The following NFIA variants were observed in gnomAD, a reference collection of about 807,000 sequenced individuals.
NFIA encodes the protein nuclear factor 1 A-type.
Under a neutral mutation model 62.8 loss-of-function variants are expected in NFIA, and 8 were observed. The ratio of observed to expected loss-of-function variants is 0.13; its 90% CI spans 0.07 to 0.23. NFIA has a LOEUF of 0.23. Among genes scored for constraint, NFIA ranks in the 10% least tolerant of loss-of-function variants. NFIA has a pLI of 1.00. For missense variants in NFIA, 410 were observed against 642.1 expected (o/e 0.64, Z 3.91); for synonymous variants, 235 against 238.1 (o/e 0.99, Z 0.12).
At chr1:61,148,465 G>A (rs1479588768) in intron 2 of NFIA, among the ~76,000 whole-genome samples, 1 of 152,142 alleles carries the variant, frequency 6.6e-6, no homozygotes, top group Non-Finnish European at 1.5e-5. Context: ...GTTTTAGGAG[G>A]CATCATAGTG....
chr1:61,385,246 A>AC (rs398102773), intron 7 of NFIA, among the ~76,000 whole-genome samples: 1 of 151,626 alleles, frequency 6.6e-6, no homozygotes, highest in Non-Finnish European at 1.5e-5. Flanking sequence ...CAAAAAAAAA[A>AC]GAGACTTCAA....
chr1:61,371,139 G>T (rs1663863083), intron 6 of NFIA, among the ~76,000 whole-genome samples: 1 of 152,140 alleles, frequency 6.6e-6, no homozygotes, highest in Non-Finnish European at 1.5e-5. Context: ...CAAAATGGCT[G>T]TGCAACACCC....
intron 9 of NFIA, among the ~76,000 whole-genome samples, chr1:61,425,946 A>T (rs928826254): frequency 1.3e-5 from 2 of 152,210 alleles, no homozygotes; most frequent in African/African-American, 4.8e-5. Flanking sequence ...ATGGTTTTCT[A>T]TCTCCTTCCT....
intron 2 of NFIA, among the ~76,000 whole-genome samples, chr1:61,100,138 C>T (rs779918922): frequency 6.6e-6 from 1 of 152,170 alleles, no homozygotes; most frequent in Non-Finnish European, 1.5e-5. Context: ...TTTTTCTTTT[C>T]TGGTGTTAGT....
intron 2 of NFIA, among the ~76,000 whole-genome samples, chr1:61,184,381 T>C (rs2100565787): frequency 6.6e-6 from 1 of 152,356 alleles, no homozygotes; most frequent in African/African-American, 2.4e-5. Context: ...TCTAAAAAAC[T>C]TGCTACCTCC....
intron 3 of NFIA, among the ~76,000 whole-genome samples, chr1:61,320,891 A>T (rs943671410): frequency 6.6e-6 from 1 of 152,174 alleles, no homozygotes; most frequent in Non-Finnish European, 1.5e-5. Context: ...TATTCAGGGA[A>T]TACATTTCCC....
chr1:61,161,841 TA>T (rs775977065), intron 2 of NFIA, among the ~76,000 whole-genome samples: 68 of 152,348 alleles, frequency 4.5e-4, no homozygotes, highest in Middle Eastern at 3.4e-3. Context: ...CTTGTGTTCT[TA>T]ATAATATCTT....
In NFIA at chr1:61,295,967, T is replaced by G. The variant is rs531749903; in HGVS notation, c.625+18382T>G. On this transcript the variant is annotated intron_variant, in intron 3 of 10. Coordinates refer to ENST00000403491, the MANE Select transcript of NFIA (RefSeq NM_001134673.4). ...GGTAACAAAGCTGTTGCATAAGAAA[T>G]GCACACTCCTCTCTTAGGGGGAACA... Among the ~76,000 whole-genome samples the G allele has an allele frequency of 4.6e-5, 7 of 152,302 alleles. No individual in the cohort carries two copies. The South Asian group carries it at 1.4e-3, about 32-fold the overall frequency.
At chr1:61,155,808 G>A (rs1225038591) in intron 2 of NFIA, among the ~76,000 whole-genome samples, 3 of 151,342 alleles carry the variant, frequency 2.0e-5, no homozygotes, top group African/African-American at 7.3e-5. Context: ...TATTATTGGT[G>A]TGCTGGTGAA....
chr1:61,372,275 A>G (rs1399797615), intron 6 of NFIA, among the ~76,000 whole-genome samples: 4 of 152,272 alleles, frequency 2.6e-5, no homozygotes, highest in Non-Finnish European at 5.9e-5. Context: ...CATTTACTTA[A>G]TTGATATGCC....
intron 10 of NFIA, among the ~76,000 whole-genome samples, chr1:61,444,331 A>T (rs1372426751): frequency 6.6e-6 from 1 of 152,212 alleles, no homozygotes; most frequent in Non-Finnish European, 1.5e-5. Flanking sequence ...CCTCTGGAGT[A>T]GACCTGAGGA....
intron 2 of NFIA, among the ~76,000 whole-genome samples, chr1:61,221,237 TTACTA>T (rs1428962831): frequency 6.6e-6 from 1 of 152,136 alleles, no homozygotes; most frequent in African/African-American, 2.4e-5. Flanking sequence ...TTTAATAAGA[TTACTA>T]TTATTATTGA....
intron 5 of NFIA, among the ~76,000 whole-genome samples, chr1:61,356,869 G>T (rs562601614): frequency 1.3e-5 from 2 of 152,208 alleles, no homozygotes; most frequent in African/African-American, 4.8e-5. Flanking sequence ...CCATAAATTG[G>T]CCCTCCACAT....
chr1:61,082,618 G>C lies in NFIA; in HGVS notation c.-174G>C, dbSNP rs1308977398. 6.7e-7 allele frequency: 1 copy of C among 1,502,260 alleles called. No individual in the cohort carries two copies. Among genetic ancestry groups the C allele is most frequent in the Non-Finnish European group, 8.9e-7 (1 of 1,121,076 alleles). The allele number at this position is 1,502,260 out of a possible 1,614,324, so 93.1% of individuals were successfully genotyped here. On this transcript the variant is annotated 5_prime_UTR_variant, in exon 1 of 11. Coordinates refer to ENST00000403491, the MANE Select transcript of NFIA (RefSeq NM_001134673.4). ...GCGCTGGCTGGCTGGCTGCAGTTGA[G>C]CCGACTTGGAAATGTGAACGCAAGA...
intron 2 of NFIA, among the ~76,000 whole-genome samples, chr1:61,216,605 C>T (rs1421915836): frequency 6.6e-6 from 1 of 152,130 alleles, no homozygotes; most frequent in Non-Finnish European, 1.5e-5. Flanking sequence ...GCCTCTGAGA[C>T]ACATGTTTGA....
chr1:61,264,903 G>A lies in NFIA; in HGVS notation c.560-12617G>A, dbSNP rs373650432. 3.9e-4 allele frequency among the ~76,000 whole-genome samples: 60 copies of A among 152,292 alleles called. 1 individual carries two copies. Among genetic ancestry groups the A allele is most frequent in the Admixed American group, 3.6e-3 (55 of 15,298 alleles). ...GATGGAATGAACTTTGGGTGAAGGC[G>A]AGAGCACAGAAGCTCAGTGGTACTG... On this transcript the variant is annotated intron_variant, in intron 2 of 10. Coordinates refer to ENST00000403491, the MANE Select transcript of NFIA (RefSeq NM_001134673.4).
chr1:61,344,056 T>C (rs1662078654), intron 4 of NFIA, among the ~76,000 whole-genome samples: 1 of 152,134 alleles, frequency 6.6e-6, no homozygotes, highest in South Asian at 2.1e-4. Context: ...ACTATACTTA[T>C]TTTTTTTCTT....
intron 2 of NFIA, among the ~76,000 whole-genome samples, chr1:61,216,691 G>A (rs555924056): frequency 6.6e-6 from 1 of 152,170 alleles, no homozygotes; most frequent in Non-Finnish European, 1.5e-5. Context: ...AACTGTCTGT[G>A]TATGTATGCT....
chr1:61,180,731 G>A (rs1650706116), intron 2 of NFIA, among the ~76,000 whole-genome samples: 2 of 152,162 alleles, frequency 1.3e-5, no homozygotes, highest in African/African-American at 4.8e-5. Context: ...CTTCTATCTA[G>A]GTGGATGGTA....
Sources: allele counts gnomAD v4.1 joint callset (sites outside exome capture counted in the v4.1 genomes callset), GRCh38; gene constraint gnomAD v4.1.1; transcripts MANE v1.5; gene names NCBI Gene and HGNC (gene_info 2026-07-23, HGNC 2026-07-21).